The following ARHGAP8 variants were observed in gnomAD, a reference collection of about 807,000 sequenced individuals.
ARHGAP8 encodes Rho GTPase activating protein 8.
ARHGAP8 carries 62 observed loss-of-function variants against 46.1 expected under a neutral mutation model. The observed-to-expected ratio is 1.34, with a 90% confidence interval of 1.10 to 1.66. The LOEUF is 1.66. Among genes scored for constraint, ARHGAP8 ranks in the 40% most tolerant of loss-of-function variants. The pLI, the probability that ARHGAP8 is intolerant of heterozygous loss-of-function variation, is 0.00. For missense variants in ARHGAP8, 923 were observed against 568.4 expected (o/e 1.62, Z -6.34); for synonymous variants, 375 against 243.1 (o/e 1.54, Z -5.05).
At chr22:44,844,116 C>T (rs944207204) in intron 7 of ARHGAP8, among the ~76,000 whole-genome samples, 5 of 151,862 alleles carry the variant, frequency 3.3e-5, no homozygotes, top group Non-Finnish European at 5.9e-5. Context: ...GGATTACAGG[C>T]ATGCATCACC....
intron 3 of ARHGAP8, among the ~76,000 whole-genome samples, chr22:44,803,618 C>A (rs1420577358): frequency 6.8e-6 from 1 of 146,278 alleles, no homozygotes; most frequent in Non-Finnish European, 1.5e-5. Context: ...CTCCACCCCC[C>A]ACCACTATGC....
intron 7 of ARHGAP8, among the ~76,000 whole-genome samples, chr22:44,838,897 C>T (rs748853368): frequency 7.7e-6 from 1 of 130,266 alleles, no homozygotes; most frequent in African/African-American, 3.3e-5. Flanking sequence ...CTCAGCAAAG[C>T]CTGCACCTCC....
chr22:44,849,303 C>T (rs1002174101), intron 10 of ARHGAP8: 10 of 615,174 alleles, frequency 1.6e-5, no homozygotes, highest in Middle Eastern at 4.7e-4. Context: ...GCCGGTCTCT[C>T]AGGCACAGCT....
intron 4 of ARHGAP8, chr22:44,809,459 A>G (rs1929186098): frequency 2.9e-6 from 1 of 345,462 alleles, no homozygotes; most frequent in Non-Finnish European, 5.7e-6. Context: ...TTGCTTTCAC[A>G]GCCCTTTACA....
intron 10 of ARHGAP8, among the ~76,000 whole-genome samples, chr22:44,856,108 G>T (rs2070214991): frequency 6.6e-6 from 1 of 152,030 alleles, no homozygotes; most frequent in African/African-American, 2.4e-5. Context: ...AACCATTTAT[G>T]AGAAATCTGT....
intron 2 of ARHGAP8, among the ~76,000 whole-genome samples, chr22:44,800,720 A>T (rs112810842): frequency 0.71 from 1,202 of 1,704 alleles, 556 homozygotes; most frequent in Middle Eastern, 1. Context: ...TGTCCGTGTG[A>T]GGGGGTGCCT....
chr22:44,848,901 A>G, intron 9 of ARHGAP8, 31 bp from the exon 10 acceptor site: 1 of 1,612,832 alleles, frequency 6.2e-7, no homozygotes. Context: ...GCCGGGGTGC[A>G]GACCTCAGCA....
At chr22:44,858,787 C>T (rs1277894208) in intron 10 of ARHGAP8, among the ~76,000 whole-genome samples, 2 of 149,108 alleles carry the variant, frequency 1.3e-5, no homozygotes, top group Non-Finnish European at 3.0e-5. Context: ...GGGTGGGACA[C>T]TGCCTTTCCA....
chr22:44,857,157 C>T (rs952759988), intron 10 of ARHGAP8, among the ~76,000 whole-genome samples: 2 of 145,828 alleles, frequency 1.4e-5, no homozygotes, highest in Non-Finnish European at 3.0e-5. Context: ...TCAGGCTGGT[C>T]TCAAACTCCT....
intron 10 of ARHGAP8, among the ~76,000 whole-genome samples, chr22:44,858,410 C>A (rs556669076): frequency 6.6e-6 from 1 of 150,550 alleles, no homozygotes. Flanking sequence ...TCTTGTTGCC[C>A]AGGCTGGAGT....
chr22:44,765,456 G>C (rs1018623872), intron 1 of ARHGAP8: 1 of 152,372 alleles, frequency 6.6e-6, no homozygotes, highest in Non-Finnish European at 1.5e-5. Flanking sequence ...CAGCCCACAA[G>C]GGGGGTGTAA....
At chr22:44,794,181 T>G (rs1927910952) in intron 2 of ARHGAP8, among the ~76,000 whole-genome samples, 1 of 152,228 alleles carries the variant, frequency 6.6e-6, no homozygotes, top group Admixed American at 6.5e-5. Context: ...GCATCCTACC[T>G]GGTCCGTGGT....
chr22:44,840,668 C>T (rs1395009801), intron 7 of ARHGAP8, among the ~76,000 whole-genome samples: 5 of 150,500 alleles, frequency 3.3e-5, no homozygotes, highest in South Asian at 2.1e-4. Flanking sequence ...TGACGTGGAC[C>T]GCCTCTGTGT....
At chr22:44,800,638 C>G (rs1928441095) in intron 2 of ARHGAP8, among the ~76,000 whole-genome samples, 1 of 52,138 alleles carries the variant, frequency 1.9e-5, no homozygotes, top group Non-Finnish European at 3.5e-5. Context: ...CGCCCCTCCC[C>G]GCAGCTGTCC....
At chr22:44,760,430 C>G (rs1036324280) in intron 1 of ARHGAP8, among the ~76,000 whole-genome samples, 1 of 152,194 alleles carries the variant, frequency 6.6e-6, no homozygotes, top group African/African-American at 2.4e-5. Flanking sequence ...GTGCAAGCTT[C>G]TTTGTCTCTG....
chr22:44,834,514 T>C (rs1931156414), intron 7 of ARHGAP8, among the ~76,000 whole-genome samples: 1 of 152,212 alleles, frequency 6.6e-6, no homozygotes. Flanking sequence ...AGGCTTGTTA[T>C]GTGGTATAAC....
At chr22:44,799,128 G>A (rs79569122) in intron 2 of ARHGAP8, among the ~76,000 whole-genome samples, 10,422 of 152,280 alleles carry the variant, frequency 0.068, 394 homozygotes, top group African/African-American at 0.079. Flanking sequence ...CCAGGGCCTG[G>A]GCCCCTTTGT....
chr22:44,799,188 T>C (rs1928308504), intron 2 of ARHGAP8, among the ~76,000 whole-genome samples: 2 of 152,216 alleles, frequency 1.3e-5, no homozygotes, highest in Non-Finnish European at 2.9e-5. Context: ...AAGGAACCTT[T>C]TACTGCATTG....
At chr22:44,802,312 C>A in intron 3 of ARHGAP8, 148 bp downstream of exon 3, 2 of 1,033,344 alleles carry the variant, frequency 1.9e-6, no homozygotes, top group Non-Finnish European at 2.8e-6. Context: ...CACTCATGAG[C>A]CTACCCGAGG....
Sources: gnomAD v4.1 joint callset for allele counts (sites outside exome capture counted in the v4.1 genomes callset) on GRCh38, gnomAD v4.1.1 for gene constraint, MANE v1.5 for transcripts, NCBI Gene and HGNC (gene_info 2026-07-23, HGNC 2026-07-21) for gene names.